Variants in VWC2 observed in about 807,000 individuals in gnomAD.
VWC2 encodes von Willebrand factor C domain containing 2.
In VWC2, 14 loss-of-function variants were observed where a neutral mutation model predicts 29.8. The ratio of observed to expected loss-of-function variants is 0.47; its 90% CI spans 0.31 to 0.74. VWC2 has a LOEUF of 0.74. Ranked by LOEUF, VWC2 falls within the 30% of genes least tolerant of loss-of-function variation. The probability of loss-of-function intolerance (pLI) is 0.05; values close to 1 mark genes in which losing one functional copy is unlikely to be tolerated. For synonymous variants in VWC2, 213 were observed against 199.0 expected, an observed-to-expected ratio of 1.07 and a Z score of -0.59; for missense variants, 457 against 459.8, an observed-to-expected ratio of 0.99 and a Z score of 0.05.
Position 49,911,921 on chromosome 7 carries a change from A to ACGCG in VWC2, c.827-110_827-109insGCGC, listed in dbSNP as rs1417570229. The ACGCG allele has an allele frequency of 5.4e-6, 4 of 743,236 alleles. No homozygotes were observed. The African/African-American group carries it at 8.5e-5, about 16-fold the overall frequency. The allele number at this position is 743,236 out of a possible 1,614,324, so 46.0% of individuals were successfully genotyped here. A position where few individuals can be genotyped will look rare whatever the true frequency, so the allele number is the denominator to read the frequency against. On this transcript the variant is annotated intron_variant, in intron 3 of 3. Transcript: ENST00000340652. ...CAAAAACAAACAAACAAACAAATACACGCACACACACACACACACACACAC... is the reference window on the plus strand; with the variant it reads ...CAAAAACAAACAAACAAACAAATACACGCGCGCACACACACACACACACACACAC...
chr7:49,877,481 A>AAAAAAAATATACATATAT, intron 3 of VWC2, among the ~76,000 whole-genome samples: 1 of 12,722 alleles, frequency 7.9e-5, no homozygotes, highest in African/African-American at 2.8e-4. Context: ...AAAAAAAAAA[A>AAAAAAAATATACATATAT]ATATATATAT....
intron 3 of VWC2, among the ~76,000 whole-genome samples, chr7:49,854,047 TC>T (rs1461938015): frequency 2.6e-5 from 4 of 151,284 alleles, no homozygotes; most frequent in Admixed American, 2.0e-4. Flanking sequence ...CATGAACTCA[TC>T]CTTTTTTATG....
At chr7:49,871,336 G>A (rs181830870) in intron 3 of VWC2, among the ~76,000 whole-genome samples, 16 of 152,132 alleles carry the variant, frequency 1.1e-4, no homozygotes, top group South Asian at 2.1e-4. Flanking sequence ...AAACCCCTGC[G>A]CATTAAGGTA....
intron 3 of VWC2, among the ~76,000 whole-genome samples, chr7:49,908,901 TA>T (rs2128741429): frequency 2.6e-5 from 4 of 152,320 alleles, no homozygotes; most frequent in African/African-American, 9.6e-5. Flanking sequence ...ATAAAGATTT[TA>T]TATTCTACAG....
intron 3 of VWC2, among the ~76,000 whole-genome samples, chr7:49,892,167 C>T (rs1198413915): frequency 6.6e-6 from 1 of 150,722 alleles, no homozygotes; most frequent in African/African-American, 2.4e-5. Flanking sequence ...GCCTCAGCCT[C>T]CCGAGTAGCT....
chr7:49,774,444 A>T (rs1788007731), intron 1 of VWC2, among the ~76,000 whole-genome samples: 1 of 152,216 alleles, frequency 6.6e-6, no homozygotes, highest in Non-Finnish European at 1.5e-5. Flanking sequence ...GGGCTCTCCC[A>T]GCCCCTTTGG....
chr7:49,775,822 C>A lies in VWC2; in HGVS notation c.387C>A (p.Asp129Glu). Residue 129 changes from aspartate to glutamate, a missense_variant, in exon 2 of 4, where the codon GAC becomes GAA. Coordinates refer to ENST00000340652, the MANE Select transcript of VWC2 (RefSeq NM_198570.5). Reference sequence around the variant, plus strand: ...AAGCCCTGGCCGCAGCCGCCCAGGACGCGATTGGCCCGGAACTCGCGCCCA... The same window carrying A: ...AAGCCCTGGCCGCAGCCGCCCAGGAAGCGATTGGCCCGGAACTCGCGCCCA... ...QAEALAAAAQ[D>E]AIGPELAPTP... 6.5e-7 allele frequency: 1 copy of A among 1,543,988 alleles called. No homozygotes were observed. The highest frequency in any genetic ancestry group is 8.7e-7 in the Non-Finnish European group (1 of 1,144,778).
chr7:49,779,928 G>T (rs1474133021), intron 2 of VWC2, among the ~76,000 whole-genome samples: 1 of 152,062 alleles, frequency 6.6e-6, no homozygotes, highest in East Asian at 1.9e-4. Flanking sequence ...ATTGGATTGG[G>T]GCCTGACTTC....
At chr7:49,784,615 C>T (rs966200850) in intron 2 of VWC2, among the ~76,000 whole-genome samples, 2 of 152,216 alleles carry the variant, frequency 1.3e-5, no homozygotes, top group African/African-American at 4.8e-5. Context: ...AGGCAAACAT[C>T]TTTCAATGGG....
At chr7:49,900,984 A>T (rs1400398461) in intron 3 of VWC2, 1 of 151,802 alleles carries the variant, frequency 6.6e-6, no homozygotes, top group Non-Finnish European at 1.5e-5. Context: ...AAAAATCACG[A>T]TGATATCAGT....
chr7:49,908,977 G>A (rs1793252994), intron 3 of VWC2, among the ~76,000 whole-genome samples: 1 of 152,196 alleles, frequency 6.6e-6, no homozygotes, highest in African/African-American at 2.4e-5. Context: ...CTGTTGCCCT[G>A]ACATAGAAAG....
intron 2 of VWC2, among the ~76,000 whole-genome samples, chr7:49,789,103 A>C (rs11769276): frequency 0.27 from 38,181 of 139,204 alleles, 6,836 homozygotes; most frequent in African/African-American, 0.54. Context: ...GGTGTGAGAG[A>C]GAGATTGAGA....
intron 2 of VWC2, among the ~76,000 whole-genome samples, chr7:49,797,477 T>A (rs1226352866): frequency 6.6e-6 from 1 of 152,218 alleles, no homozygotes; most frequent in Non-Finnish European, 1.5e-5. Flanking sequence ...ATCTCTCAGA[T>A]CCTGTTTAAC....
chr7:49,860,861 A>G (rs1350723484), intron 3 of VWC2, among the ~76,000 whole-genome samples: 1 of 152,230 alleles, frequency 6.6e-6, no homozygotes, highest in Non-Finnish European at 1.5e-5. Flanking sequence ...GAGGCCACAG[A>G]AGGAAGGTGG....
At chr7:49,797,182 GCC>G (rs1788611521) in intron 2 of VWC2, among the ~76,000 whole-genome samples, 6 of 152,230 alleles carry the variant, frequency 3.9e-5, no homozygotes, top group African/African-American at 1.4e-4. Context: ...GTTATGACTA[GCC>G]TCTGCTAGTC....
Position 49,917,856 on chromosome 7 carries a change from T to C in VWC2, c.*5671T>C, listed in dbSNP as rs1417461461. ...ACACATTTTATGGAAAGATTTCATTTTTCCATTCCCTTTACTTTTATATTT... is the reference window on the plus strand; with the variant it reads ...ACACATTTTATGGAAAGATTTCATTCTTCCATTCCCTTTACTTTTATATTT... On this transcript the variant is annotated 3_prime_UTR_variant, in exon 4 of 4. Coordinates refer to ENST00000340652, the MANE Select transcript of VWC2 (RefSeq NM_198570.5). 1 of 152,182 alleles carries C rather than the reference T, an allele frequency of 6.6e-6. No individual in the cohort carries two copies. Among genetic ancestry groups the C allele is most frequent in the Non-Finnish European group, 1.5e-5 (1 of 67,994 alleles). 9.4% of individuals were successfully genotyped at this position (152,182 alleles called of 1,614,324 possible).
chr7:49,901,916 G>GCTAACACTGTTTGC (rs1562763009), intron 3 of VWC2, among the ~76,000 whole-genome samples: 16 of 151,974 alleles, frequency 1.1e-4, no homozygotes, highest in African/African-American at 3.1e-4. Context: ...TGCTAACAGA[G>GCTAACACTGTTTGC]TAAACATAGT....
chr7:49,847,959 A>G (rs1410984287), intron 3 of VWC2, among the ~76,000 whole-genome samples: 2 of 152,202 alleles, frequency 1.3e-5, no homozygotes, highest in African/African-American at 4.8e-5. Context: ...AGTCCCTCCA[A>G]CGTCAGCAAG....
rs554372403 is a variant in VWC2, at chr7:49,787,284, G to C, written c.696+11153G>C. On this transcript the variant is annotated intron_variant, in intron 2 of 3. Coordinates refer to ENST00000340652, the MANE Select transcript of VWC2 (RefSeq NM_198570.5). ...GATTGGCCCTTCTGTATGTATCTTTGCTTTCCTCATATCTAGCTTTAAAAA... is the reference window on the plus strand; with the variant it reads ...GATTGGCCCTTCTGTATGTATCTTTCCTTTCCTCATATCTAGCTTTAAAAA... 4.6e-5 allele frequency among the ~76,000 whole-genome samples: 7 copies of C among 152,228 alleles called. 1 individual carries two copies. Among genetic ancestry groups the C allele is most frequent in the African/African-American group, 1.7e-4 (7 of 41,540 alleles).
Sources: gnomAD v4.1 joint callset for allele counts (sites outside exome capture counted in the v4.1 genomes callset) on GRCh38, gnomAD v4.1.1 for gene constraint, MANE v1.5 for transcripts, NCBI Gene and HGNC (gene_info 2026-07-23, HGNC 2026-07-21) for gene names.